Variants in PLPPR1 observed in about 807,000 individuals in gnomAD.
PLPPR1 encodes phospholipid phosphatase-related protein type 1.
PLPPR1 carries 10 observed loss-of-function variants against 33.1 expected under a neutral mutation model. The observed-to-expected ratio is 0.30, with a 90% CI of 0.19 to 0.51. The LOEUF is 0.51. Ranked by LOEUF, PLPPR1 falls within the 20% of genes least tolerant of loss-of-function variation. The pLI is 0.97. For missense variants in PLPPR1, 304 were observed against 408.1 expected, an observed-to-expected ratio of 0.74 and a Z score of 2.20; for synonymous variants, 151 against 151.0, an observed-to-expected ratio of 1.00 and a Z score of 0.00.
At chr9:101,217,096 AT>A (rs1826814258) in intron 2 of PLPPR1, among the ~76,000 whole-genome samples, 2 of 152,336 alleles carry the variant, frequency 1.3e-5, no homozygotes, top group Non-Finnish European at 2.9e-5. Context: ...ATACATTAAA[AT>A]TAATGCTGTG....
At chr9:101,082,498 C>T (rs1357076779) in intron 1 of PLPPR1, among the ~76,000 whole-genome samples, 2 of 152,082 alleles carry the variant, frequency 1.3e-5, no homozygotes, top group African/African-American at 2.4e-5. Flanking sequence ...GATGTTATTG[C>T]ATATGGTGAA....
intron 3 of PLPPR1, among the ~76,000 whole-genome samples, chr9:101,273,984 C>T (rs1828143501): frequency 6.6e-6 from 1 of 152,162 alleles, no homozygotes; most frequent in Non-Finnish European, 1.5e-5. Flanking sequence ...TCAGCAGAAG[C>T]TCTTCTCCAG....
chr9:101,032,257 A>G (rs920540604), intron 1 of PLPPR1, among the ~76,000 whole-genome samples: 1 of 152,166 alleles, frequency 6.6e-6, no homozygotes, highest in African/African-American at 2.4e-5. Context: ...GAAAGTTGAG[A>G]AAGTTTGAGA....
intron 3 of PLPPR1, among the ~76,000 whole-genome samples, chr9:101,277,517 T>C (rs535254092): frequency 1.3e-5 from 2 of 152,280 alleles, no homozygotes; most frequent in East Asian, 1.9e-4. Flanking sequence ...TTGGAGAGCT[T>C]AACTGACTGA....
intron 1 of PLPPR1, among the ~76,000 whole-genome samples, chr9:101,171,740 C>T (rs535420074): frequency 1.1e-4 from 16 of 152,156 alleles, no homozygotes; most frequent in South Asian, 4.2e-4. Context: ...TGTCTTTGTT[C>T]TTTAAAAAAT....
chr9:101,069,443 C>T (rs548583194), intron 1 of PLPPR1, among the ~76,000 whole-genome samples: 1 of 152,132 alleles, frequency 6.6e-6, no homozygotes, highest in African/African-American at 2.4e-5. Flanking sequence ...GTGACATAAC[C>T]GAGCAGTATC....
chr9:101,038,145 A>G (rs1830031890), intron 1 of PLPPR1, among the ~76,000 whole-genome samples: 1 of 152,130 alleles, frequency 6.6e-6, no homozygotes, highest in Non-Finnish European at 1.5e-5. Flanking sequence ...TTATAAAGGT[A>G]GGATTAACTT....
chr9:101,152,492 G>A lies in PLPPR1; in HGVS notation c.-45-32958G>A, dbSNP rs1435304194. On this transcript the variant is annotated intron_variant, in intron 1 of 7. Transcript: ENST00000374874. ...CTTGCCCATGCCTATGTCCTGAATG[G>A]TATTGCCTAGGTTTTCTTCTAGGGT... Among the ~76,000 whole-genome samples the A allele has an allele frequency of 2.6e-5, 4 of 152,180 alleles. No individual in the cohort carries two copies. The East Asian group carries it at 5.8e-4, about 22-fold the overall frequency.
intron 7 of PLPPR1, among the ~76,000 whole-genome samples, chr9:101,319,616 T>C (rs1829116671): frequency 6.6e-6 from 1 of 152,192 alleles, no homozygotes; most frequent in African/African-American, 2.4e-5. Flanking sequence ...AAATAAAATA[T>C]TAACAAAAAT....
At chr9:101,060,746 C>T (rs1193001076) in intron 1 of PLPPR1, among the ~76,000 whole-genome samples, 2 of 151,792 alleles carry the variant, frequency 1.3e-5, no homozygotes, top group African/African-American at 4.8e-5. Flanking sequence ...GTGTTTTTCT[C>T]TCTAAAGTTG....
At chr9:101,297,149 A>G (rs1249548689) in intron 4 of PLPPR1, among the ~76,000 whole-genome samples, 1 of 152,158 alleles carries the variant, frequency 6.6e-6, no homozygotes, top group Non-Finnish European at 1.5e-5. Context: ...TTGGCTTTCT[A>G]ATGTTCCATA....
At chr9:101,215,437 T>C (rs1677426723) in intron 2 of PLPPR1, among the ~76,000 whole-genome samples, 1 of 152,096 alleles carries the variant, frequency 6.6e-6, no homozygotes, top group African/African-American at 2.4e-5. Context: ...TGCGCCACCA[T>C]GCCCAGCCAA....
At chr9:101,273,118 A>G (rs1286763773) in intron 3 of PLPPR1, among the ~76,000 whole-genome samples, 12 of 152,178 alleles carry the variant, frequency 7.9e-5, no homozygotes. Context: ...AGGCCAAAAA[A>G]TTGTATGCAG....
intron 1 of PLPPR1, among the ~76,000 whole-genome samples, chr9:101,108,219 G>A (rs534370081): frequency 6.6e-6 from 1 of 152,170 alleles, no homozygotes; most frequent in East Asian, 1.9e-4. Flanking sequence ...CCATGTTTTT[G>A]GAAATAATAA....
At chr9:101,257,570 T>TGAA (rs771223403) in intron 2 of PLPPR1, among the ~76,000 whole-genome samples, 3 of 152,140 alleles carry the variant, frequency 2.0e-5, no homozygotes, top group Non-Finnish European at 4.4e-5. Flanking sequence ...CATTATGCTG[T>TGAA]GAAGACTTCC....
At chr9:101,265,921 G>T (rs938902232) in intron 2 of PLPPR1, among the ~76,000 whole-genome samples, 1 of 151,968 alleles carries the variant, frequency 6.6e-6, no homozygotes, top group African/African-American at 2.4e-5. Flanking sequence ...GTGTGAACCT[G>T]GGAGGCAGAG....
chr9:101,033,857 G>A (rs925120676), intron 1 of PLPPR1, among the ~76,000 whole-genome samples: 8 of 152,128 alleles, frequency 5.3e-5, no homozygotes, highest in African/African-American at 1.7e-4. Flanking sequence ...TTTCATAATT[G>A]TACAAGCAAT....
At chr9:101,157,265 G>T (rs1470736301) in intron 1 of PLPPR1, among the ~76,000 whole-genome samples, 1 of 152,174 alleles carries the variant, frequency 6.6e-6, no homozygotes, top group Non-Finnish European at 1.5e-5. Flanking sequence ...CCAAGTGATT[G>T]ATTGGTCATG....
intron 2 of PLPPR1, among the ~76,000 whole-genome samples, chr9:101,237,354 A>T (rs1827322631): frequency 6.6e-6 from 1 of 151,592 alleles, no homozygotes; most frequent in African/African-American, 2.4e-5. Flanking sequence ...CATCACATAA[A>T]AAAAGATACC....
Sources: gnomAD v4.1 joint callset for allele counts (sites outside exome capture counted in the v4.1 genomes callset) on GRCh38, gnomAD v4.1.1 for gene constraint, MANE v1.5 for transcripts, NCBI Gene and HGNC (gene_info 2026-07-23, HGNC 2026-07-21) for gene names.